Variants in TBXAS1 observed in about 807,000 individuals in gnomAD.
TBXAS1 encodes thromboxane A synthase 1, also known as thromboxane-A synthase.
In TBXAS1, 48 loss-of-function variants were observed where a neutral mutation model predicts 60.7. The ratio of observed to expected loss-of-function variants is 0.79; its 90% CI spans 0.63 to 1.01. TBXAS1 has a LOEUF of 1.01. Ranked by LOEUF, TBXAS1 falls within the 50% of genes least tolerant of loss-of-function variation. The probability of loss-of-function intolerance (pLI) is 0.00; values close to 1 mark genes in which losing one functional copy is unlikely to be tolerated. For missense variants in TBXAS1, 685 were observed against 686.3 expected, an observed-to-expected ratio of 1.00 and a Z score of 0.02; for synonymous variants, 287 against 269.7, an observed-to-expected ratio of 1.06 and a Z score of -0.63.
intron 1 of TBXAS1, among the ~76,000 whole-genome samples, chr7:139,870,675 A>G (rs1801754454): frequency 6.6e-6 from 1 of 152,184 alleles, no homozygotes; most frequent in Non-Finnish European, 1.5e-5. Flanking sequence ...AATGTGACGT[A>G]CTGGGAATTC....
At chr7:139,868,926 T>C (rs892477792) in intron 1 of TBXAS1, among the ~76,000 whole-genome samples, 2 of 152,028 alleles carry the variant, frequency 1.3e-5, no homozygotes, top group Non-Finnish European at 2.9e-5. Context: ...GTGCTGGGAT[T>C]ACAGGCACGA....
At chr7:139,867,694 G>T (rs1241566525) in intron 1 of TBXAS1, among the ~76,000 whole-genome samples, 5 of 152,094 alleles carry the variant, frequency 3.3e-5, no homozygotes, top group Non-Finnish European at 7.4e-5. Context: ...GTGGGCGCCT[G>T]TAATCCTGGC....
intron 4 of TBXAS1, among the ~76,000 whole-genome samples, chr7:139,821,059 T>G (rs1293790891): frequency 1.3e-5 from 2 of 151,646 alleles, no homozygotes; most frequent in Non-Finnish European, 2.9e-5. Context: ...ATAAAAGGAG[T>G]AGTGACCAGA....
intron 3 of TBXAS1, among the ~76,000 whole-genome samples, chr7:139,902,701 G>A (rs1361654471): frequency 1.3e-5 from 2 of 152,110 alleles, no homozygotes; most frequent in African/African-American, 4.8e-5. Flanking sequence ...GCGGCTTTAT[G>A]GTTTTACCTT....
chr7:139,858,893 A>T (rs1800769655), intron 1 of TBXAS1, among the ~76,000 whole-genome samples: 1 of 152,010 alleles, frequency 6.6e-6, no homozygotes, highest in Non-Finnish European at 1.5e-5. Context: ...TTTGAGAAGG[A>T]GTTTTGCTCT....
chr7:139,916,100 T>C lies in TBXAS1; in HGVS notation c.333+4779T>C, dbSNP rs139254254. 1.3e-3 allele frequency among the ~76,000 whole-genome samples: 204 copies of C among 152,318 alleles called. No homozygotes were observed. The highest frequency in any genetic ancestry group is 4.4e-3 in the African/African-American group (183 of 41,572). Reference sequence around the variant, plus strand: ...TATTTAGATATTTTCAATGAGCTCTTCTTTGCTGTCAGGTACGGTACCTAA... The same window carrying C: ...TATTTAGATATTTTCAATGAGCTCTCCTTTGCTGTCAGGTACGGTACCTAA... On this transcript the variant is annotated intron_variant, in intron 4 of 12. Transcript: ENST00000448866. The surrounding 1 kb of genome is among the most constrained non-coding windows in gnomAD (Gnocchi z 4.2).
intron 12 of TBXAS1, among the ~76,000 whole-genome samples, chr7:140,018,160 A>G (rs1815252677): frequency 1.3e-5 from 2 of 152,144 alleles, no homozygotes; most frequent in South Asian, 4.1e-4. Flanking sequence ...ACCTTGCTGT[A>G]GCTCTTCCCA....
intron 3 of TBXAS1, among the ~76,000 whole-genome samples, chr7:139,893,044 T>A (rs1010246230): frequency 6.6e-6 from 1 of 152,160 alleles, no homozygotes; most frequent in African/African-American, 2.4e-5. Flanking sequence ...TATTATTTTT[T>A]CCCTGCCTCT....
chr7:139,837,867 C>T (rs1799171636), intron 1 of TBXAS1, among the ~76,000 whole-genome samples: 1 of 152,208 alleles, frequency 6.6e-6, no homozygotes, highest in South Asian at 2.1e-4. Context: ...ACCAAGGTTG[C>T]TTCTTGTGCT....
In TBXAS1 at chr7:139,876,528, G is replaced by A. The variant is rs117589773; in HGVS notation, c.236+891G>A. ...ATTAAAGTTCTCCTGTGTTGCCGAC[G>A]TACATTCCAATGGGCTCCAGTGATT... On this transcript the variant is annotated intron_variant, in intron 3 of 12. Coordinates refer to ENST00000448866, the MANE Select transcript of TBXAS1 (RefSeq NM_001061.7). Among the ~76,000 whole-genome samples the A allele has an allele frequency of 9.2e-5, 14 of 152,128 alleles. No homozygotes were observed. In the East Asian group the frequency reaches 2.5e-3, roughly 27 times the overall value.
rs552542117 is a variant in TBXAS1, at chr7:140,014,467, C to T, written c.1227-1256C>T. ...TGGAAGTTGAATCTGGGAGGGCAGA[C>T]GAAATCCCTGGGAAGTGCCAGGATT... On this transcript the variant is annotated intron_variant, in intron 10 of 12. Coordinates refer to ENST00000448866, the MANE Select transcript of TBXAS1 (RefSeq NM_001061.7). 3.3e-5 allele frequency among the ~76,000 whole-genome samples: 5 copies of T among 152,090 alleles called. No homozygotes were observed. The South Asian group carries it at 6.2e-4, about 19-fold the overall frequency.
chr7:139,788,201 C>T (rs143989900), intron 4 of TBXAS1, among the ~76,000 whole-genome samples: 23 of 152,274 alleles, frequency 1.5e-4, no homozygotes, highest in Admixed American at 1.5e-3. Flanking sequence ...GCCATTTTTC[C>T]CCCTATCCAA....
chr7:139,973,271 C>T (rs117789671), intron 9 of TBXAS1, among the ~76,000 whole-genome samples: 1,812 of 152,236 alleles, frequency 0.012, 16 homozygotes, highest in Middle Eastern at 0.034. Flanking sequence ...TGTCCCCTAC[C>T]GCTGCTATGG....
At chr7:139,948,649 G>A (rs190910131) in intron 5 of TBXAS1, among the ~76,000 whole-genome samples, 2 of 152,208 alleles carry the variant, frequency 1.3e-5, no homozygotes, top group Admixed American at 6.5e-5. Context: ...TGTAACAACC[G>A]AATGCATCTT....
chr7:139,857,224 C>A (rs1273035938), intron 1 of TBXAS1, among the ~76,000 whole-genome samples: 1 of 152,162 alleles, frequency 6.6e-6, no homozygotes, highest in Admixed American at 6.5e-5. Flanking sequence ...GGCTTACTGT[C>A]CCCTGACACA....
chr7:139,869,838 G>A (rs1179303542), intron 1 of TBXAS1, among the ~76,000 whole-genome samples: 3 of 152,152 alleles, frequency 2.0e-5, no homozygotes, highest in Non-Finnish European at 4.4e-5. Flanking sequence ...ATTGATTTTG[G>A]GTTAAGAACG....
At chr7:139,825,196 G>A (rs1194209026), upstream of TBXAS1, among the ~76,000 whole-genome samples, 1 of 151,918 alleles carries the variant, frequency 6.6e-6, no homozygotes, top group Non-Finnish European at 1.5e-5. Flanking sequence ...GAAATTACGG[G>A]AAATATGGCA....
intron 3 of TBXAS1, chr7:139,875,912 T>A (rs986591467): frequency 7.9e-6 from 4 of 503,996 alleles, no homozygotes; most frequent in African/African-American, 1.9e-5. Flanking sequence ...CAGCATCATC[T>A]CCCGTTGCTG....
intron 10 of TBXAS1, among the ~76,000 whole-genome samples, chr7:140,014,712 C>A (rs1814880126): frequency 6.6e-6 from 1 of 151,736 alleles, no homozygotes; most frequent in Non-Finnish European, 1.5e-5. Context: ...AGTTCGAGAC[C>A]AGCCTGACCA....
Sources: gnomAD v4.1 joint callset for allele counts (sites outside exome capture counted in the v4.1 genomes callset) on GRCh38, gnomAD v4.1.1 for gene constraint, Gnocchi (gnomAD v3.1) non-coding constraint, MANE v1.5 for transcripts, NCBI Gene and HGNC (gene_info 2026-07-23, HGNC 2026-07-21) for gene names.